The following DSCAM variants were observed in gnomAD, a reference collection of about 807,000 sequenced individuals.
DSCAM encodes the protein cell adhesion molecule DSCAM.
In DSCAM, 47 loss-of-function variants were observed where a neutral mutation model predicts 217.7. The ratio of observed to expected loss-of-function variants is 0.22; its 90% CI spans 0.17 to 0.28. The LOEUF (loss-of-function observed/expected upper bound fraction) is 0.28. Ranked by LOEUF, DSCAM falls within the 10% of genes least tolerant of loss-of-function variation. DSCAM has a pLI of 1.00. For missense variants in DSCAM, 2,080 were observed against 2,618.3 expected, an observed-to-expected ratio of 0.79 and a Z score of 4.49; for synonymous variants, 1,056 against 1,015.3, an observed-to-expected ratio of 1.04 and a Z score of -0.76.
Position 40,693,041 on chromosome 21 carries a change from GCA to G in DSCAM, c.362-87_362-86del, listed in dbSNP as rs370848293. The stretch of plus-strand genomic sequence containing the variant: ...ATCTCACTGTAATATATACACTGCA[GCA>G]CACACACATCAATTGCATAACATAT... On this transcript the variant is annotated intron_variant, in intron 2 of 32. Coordinates refer to ENST00000400454, the MANE Select transcript of DSCAM (RefSeq NM_001389.5). 9.1e-4 allele frequency: 1,282 copies of G among 1,412,308 alleles called. 8 individuals carry two copies. The African/African-American group carries it at 0.016, about 18-fold the overall frequency. 87.5% of individuals were successfully genotyped at this position (1,412,308 alleles called of 1,614,324 possible).
intron 3 of DSCAM, among the ~76,000 whole-genome samples, chr21:40,683,051 G>T (rs73905058): frequency 1.3e-5 from 2 of 152,162 alleles, no homozygotes; most frequent in Non-Finnish European, 2.9e-5. Flanking sequence ...CCATCTGCAC[G>T]CCAGGATGAG....
chr21:40,348,231 A>G (rs1266767211), intron 5 of DSCAM, among the ~76,000 whole-genome samples: 3 of 152,272 alleles, frequency 2.0e-5, no homozygotes, highest in Admixed American at 6.5e-5. Context: ...TATCAGCCAC[A>G]TTATTGCAAT....
rs1036381078 is a variant in DSCAM, at chr21:40,144,272, AGG to A, written c.3259+217_3259+218del. On this transcript the variant is annotated intron_variant, in intron 17 of 32. Transcript: ENST00000400454. This position sits in a 1 kb window ranked among gnomAD's most constrained non-coding sequence, Gnocchi z 4.8. ...TGAATGAGGAAGAGTCTGAAAAGGG[AGG>A]GACTTGCTGGCTTTGCAGTCCAGCC... Among the ~76,000 whole-genome samples, 5 of 152,142 alleles carry A rather than the reference AGG, an allele frequency of 3.3e-5. No individual in the cohort carries two copies. The highest frequency in any genetic ancestry group is 6.5e-5 in the Admixed American group (1 of 15,280).
chr21:40,430,440 G>A (rs2075519784), intron 3 of DSCAM, among the ~76,000 whole-genome samples: 1 of 152,112 alleles, frequency 6.6e-6, no homozygotes. Flanking sequence ...ATGAAAACAA[G>A]GACTGGCCTA....
intron 3 of DSCAM, among the ~76,000 whole-genome samples, chr21:40,658,170 C>T (rs975345612): frequency 4.6e-5 from 7 of 152,212 alleles, no homozygotes; most frequent in East Asian, 1.9e-4. Context: ...GATGAAGCAG[C>T]GCCATTTTAG....
At chr21:40,614,124 T>C (rs971592577) in intron 3 of DSCAM, among the ~76,000 whole-genome samples, 5 of 152,266 alleles carry the variant, frequency 3.3e-5, no homozygotes, top group East Asian at 1.9e-4. Flanking sequence ...GGGCCCAGCC[T>C]AAGGTGGCCT....
chr21:40,148,987 C>T (rs559090669), intron 16 of DSCAM, among the ~76,000 whole-genome samples: 2 of 152,260 alleles, frequency 1.3e-5, no homozygotes, highest in South Asian at 2.1e-4. Flanking sequence ...GATGTTACCA[C>T]CATCACTGTC....
intron 26 of DSCAM, among the ~76,000 whole-genome samples, chr21:40,075,486 C>T (rs938106451): frequency 6.6e-6 from 1 of 152,184 alleles, no homozygotes; most frequent in African/African-American, 2.4e-5. Flanking sequence ...AAGCATGAGG[C>T]CCAGGCTTGG....
At chr21:40,359,136 A>C (rs1203088541) in intron 4 of DSCAM, among the ~76,000 whole-genome samples, 1 of 152,226 alleles carries the variant, frequency 6.6e-6, no homozygotes, top group Non-Finnish European at 1.5e-5. Flanking sequence ...ATGCTGGTGA[A>C]GATATGGGGA....
At chr21:40,417,760 T>TA (rs1449540567) in intron 3 of DSCAM, among the ~76,000 whole-genome samples, 7 of 152,076 alleles carry the variant, frequency 4.6e-5, no homozygotes, top group African/African-American at 1.7e-4. Context: ...CAAGAAAAAT[T>TA]AAAAAATCCC....
At position 40,016,406 on chromosome 21, in the gene DSCAM, T is replaced by C. The variant is rs1258298371; in HGVS notation, c.5687-3020A>G. ...CTTTGATGACAAAAGATGAAGGGTT[T>C]AGTTTCAGACCTGCTGAGTTTGATG... On this transcript the variant is annotated intron_variant, in intron 32 of 32. Coordinates refer to ENST00000400454, the MANE Select transcript of DSCAM (RefSeq NM_001389.5). The surrounding 1 kb of genome is among the most constrained non-coding windows in gnomAD (Gnocchi z 4.3). Among the ~76,000 whole-genome samples, 1 of 152,098 alleles carries C rather than the reference T, an allele frequency of 6.6e-6. No homozygotes were observed. The highest frequency in any genetic ancestry group is 2.4e-5 in the African/African-American group (1 of 41,398).
intron 3 of DSCAM, among the ~76,000 whole-genome samples, chr21:40,433,131 G>C (rs1040229531): frequency 6.6e-6 from 1 of 151,842 alleles, no homozygotes. Context: ...GGCTGAGGTG[G>C]GTGAATCACG....
chr21:40,597,861 A>G (rs1038879960), intron 3 of DSCAM, among the ~76,000 whole-genome samples: 1 of 152,108 alleles, frequency 6.6e-6, no homozygotes, highest in African/African-American at 2.4e-5. Flanking sequence ...GCGATAGTAG[A>G]GAGAGCTCCC....
intron 21 of DSCAM, among the ~76,000 whole-genome samples, chr21:40,090,444 C>A (rs1163765476): frequency 1.3e-5 from 2 of 152,162 alleles, no homozygotes; most frequent in Non-Finnish European, 2.9e-5. Context: ...GCATGCCCCT[C>A]CACACCCACT....
chr21:40,488,393 A>G (rs1171903273), intron 3 of DSCAM, among the ~76,000 whole-genome samples: 1 of 152,168 alleles, frequency 6.6e-6, no homozygotes, highest in Non-Finnish European at 1.5e-5. Flanking sequence ...GGAAACTTCT[A>G]TTTGAAGGCT....
chr21:40,077,089 G>A (rs2089376138), intron 26 of DSCAM, among the ~76,000 whole-genome samples: 1 of 152,216 alleles, frequency 6.6e-6, no homozygotes, highest in Admixed American at 6.5e-5. Flanking sequence ...AAATTAGAAA[G>A]AGGCAGCCCA....
chr21:40,467,604 T>G (rs2075855538), intron 3 of DSCAM, among the ~76,000 whole-genome samples: 1 of 152,188 alleles, frequency 6.6e-6, no homozygotes, highest in Admixed American at 6.5e-5. Context: ...TATACATACT[T>G]TCCAGAAATG....
In DSCAM at chr21:40,762,309, T is replaced by A. The variant is rs546141368; in HGVS notation, c.44-53538A>T. On this transcript the variant is annotated intron_variant, in intron 1 of 32. Coordinates refer to ENST00000400454, the MANE Select transcript of DSCAM (RefSeq NM_001389.5). ...CCACTGATCCCACAGAAATACAAAC[T>A]ACCATAAGAGAATACTATAAACACC... Among the ~76,000 whole-genome samples, 6 of 152,042 alleles carry A rather than the reference T, an allele frequency of 3.9e-5. No homozygotes were observed. In the South Asian group the frequency reaches 1.0e-3, roughly 26 times the overall value.
At chr21:40,134,537 G>A (rs2090187471) in intron 18 of DSCAM, among the ~76,000 whole-genome samples, 1 of 152,188 alleles carries the variant, frequency 6.6e-6, no homozygotes, top group Admixed American at 6.5e-5. Context: ...ACCCTCTTCA[G>A]CAAGTTTCAA....
Sources: allele counts gnomAD v4.1 joint callset (sites outside exome capture counted in the v4.1 genomes callset), GRCh38; gene constraint gnomAD v4.1.1; non-coding constraint Gnocchi (gnomAD v3.1); transcripts MANE v1.5; gene names NCBI Gene and HGNC (gene_info 2026-07-23, HGNC 2026-07-21).